Variants in COL27A1 observed in about 807,000 individuals in gnomAD.
COL27A1 encodes collagen alpha-1(XXVII) chain.
COL27A1 carries 106 observed loss-of-function variants against 251.3 expected under a neutral mutation model. The observed-to-expected ratio is 0.42, with a 90% CI of 0.36 to 0.50. COL27A1 has a LOEUF of 0.50. Among genes scored for constraint, COL27A1 ranks in the 20% least tolerant of loss-of-function variants. The pLI, the probability that COL27A1 is intolerant of heterozygous loss-of-function variation, is 0.00. For missense variants in COL27A1, 2,325 were observed against 2,522.8 expected (o/e 0.92, Z 1.68); for synonymous variants, 1,000 against 986.3 (o/e 1.01, Z -0.26).
At chr9:114,261,951 GA>G in intron 28 of COL27A1, among the ~76,000 whole-genome samples, 1 of 152,310 alleles carries the variant, frequency 6.6e-6, no homozygotes, top group Non-Finnish European at 1.5e-5. Flanking sequence ...CTTTCTCCCA[GA>G]AAGCCTTTGA....
chr9:114,158,984 G>C (rs1416109809), intron 1 of COL27A1, among the ~76,000 whole-genome samples: 4 of 152,230 alleles, frequency 2.6e-5, no homozygotes, highest in Non-Finnish European at 5.9e-5. Flanking sequence ...AAGGGAGAGA[G>C]AGGACTAGAA....
intron 45 of COL27A1, 84 bp downstream of exon 45, chr9:114,289,379 A>C (rs72764529): frequency 5.3e-6 from 7 of 1,321,916 alleles, no homozygotes; most frequent in Non-Finnish European, 7.2e-6. Flanking sequence ...AACCAAACGC[A>C]GGCTGCAGAG....
intron 28 of COL27A1, among the ~76,000 whole-genome samples, chr9:114,261,360 A>T (rs1432007128): frequency 6.6e-6 from 1 of 152,176 alleles, no homozygotes; most frequent in Non-Finnish European, 1.5e-5. Flanking sequence ...GCTTCCCTCC[A>T]GCAGGCGGGG....
chr9:114,298,737 A>G (rs1828415012), intron 49 of COL27A1, among the ~76,000 whole-genome samples: 1 of 152,248 alleles, frequency 6.6e-6, no homozygotes, highest in Non-Finnish European at 1.5e-5. Context: ...TGTGTTAGGT[A>G]ATAGTTTCTT....
intron 11 of COL27A1, 52 bp downstream of exon 11, chr9:114,209,780 A>G: frequency 6.4e-7 from 1 of 1,566,770 alleles, no homozygotes; most frequent in Non-Finnish European, 8.8e-7. Flanking sequence ...CTGCCCAAAC[A>G]GAGCAGAACC....
chr9:114,194,916 C>T (rs1829006787), intron 6 of COL27A1, among the ~76,000 whole-genome samples: 1 of 152,176 alleles, frequency 6.6e-6, no homozygotes, highest in African/African-American at 2.4e-5. Context: ...TTCAGGGCTC[C>T]CTAACTCTGA....
At chr9:114,194,261 G>GA in intron 5 of COL27A1, 143 bp from the exon 6 acceptor site, 1 of 792,674 alleles carries the variant, frequency 1.3e-6, no homozygotes, top group Non-Finnish European at 2.2e-6. Context: ...TAGAATTGGA[G>GA]AAGACCCTCT....
chr9:114,247,656 G>A (rs550417198), intron 24 of COL27A1, among the ~76,000 whole-genome samples: 34 of 152,338 alleles, frequency 2.2e-4, no homozygotes, highest in Non-Finnish European at 4.6e-4. Flanking sequence ...TGCTGCCCAG[G>A]CAGCTTGGAC....
chr9:114,269,834 A>G (rs1835014140), intron 35 of COL27A1, among the ~76,000 whole-genome samples: 1 of 152,094 alleles, frequency 6.6e-6, no homozygotes, highest in South Asian at 2.1e-4. Context: ...AGGAGCATGG[A>G]CCACCCAACT....
chr9:114,202,160 A>C (rs934670128), intron 7 of COL27A1, among the ~76,000 whole-genome samples: 2 of 152,196 alleles, frequency 1.3e-5, no homozygotes, highest in Admixed American at 6.5e-5. Context: ...ATCCTGAGTA[A>C]AAGGGTTTAC....
chr9:114,253,131 G>A (rs115981890), intron 27 of COL27A1, among the ~76,000 whole-genome samples, 199 bp downstream of exon 27: 1,875 of 152,264 alleles, frequency 0.012, 37 homozygotes, highest in African/African-American at 0.042. Context: ...GTGGTGACAC[G>A]CACTTGTAAT....
intron 15 of COL27A1, 22 bp downstream of exon 15, chr9:114,231,154 G>T: frequency 6.2e-7 from 1 of 1,612,214 alleles, no homozygotes; most frequent in Non-Finnish European, 8.5e-7. Context: ...ATGTTCCCCC[G>T]ATTCAGGCCT....
intron 10 of COL27A1, chr9:114,209,356 C>T (rs996285309): frequency 3.2e-6 from 2 of 632,092 alleles, no homozygotes; most frequent in African/African-American, 1.8e-5. Flanking sequence ...TAGCATCTAA[C>T]CCAGCCGCGA....
Position 114,168,190 on chromosome 9 carries a change from C to T in COL27A1, c.635C>T (p.Ala212Val). Residue 212 changes from alanine to valine, a missense_variant, in exon 3 of 61, where the codon GCT (alanine) becomes GTT (valine). Physicochemically the swap from Ala to Val is moderately conservative, Grantham distance 64. Around this residue, in one of 4 missense-constraint regions of COL27A1, gnomAD observed 1,183 missense variants for 1,144.1 expected, o/e 1.03. Transcript: ENST00000356083. ...MNPHAVQFEG[A>V]LCQFSIYPVT... Reference sequence around the variant, plus strand: ...CCGCATGCAGTCCAGTTTGAAGGTGCTCTCTGCCAGTTCAGTATCTACCCT... The same window carrying T: ...CCGCATGCAGTCCAGTTTGAAGGTGTTCTCTGCCAGTTCAGTATCTACCCT... 1 of 1,613,898 alleles carries T rather than the reference C, an allele frequency of 6.2e-7. No homozygotes were observed. The highest frequency in any genetic ancestry group is 1.1e-5 in the South Asian group (1 of 91,086).
chr9:114,258,634 A>C, intron 28 of COL27A1, 40 bp downstream of exon 28: 1 of 1,602,604 alleles, frequency 6.2e-7, no homozygotes. Context: ...TGCTGGTGGG[A>C]GGGGGCACAC....
At chr9:114,284,320 C>A (rs149480300) in intron 40 of COL27A1, among the ~76,000 whole-genome samples, 1 of 152,176 alleles carries the variant, frequency 6.6e-6, no homozygotes, top group Admixed American at 6.5e-5. Flanking sequence ...GGAAAAGAGG[C>A]GAGACAAGAC....
intron 25 of COL27A1, among the ~76,000 whole-genome samples, chr9:114,250,998 G>A (rs1833504123): frequency 6.6e-6 from 1 of 152,188 alleles, no homozygotes; most frequent in Non-Finnish European, 1.5e-5. Context: ...TTTACAAAGA[G>A]GAAAGATGAG....
At chr9:114,260,113 G>A (rs1485604729) in intron 28 of COL27A1, among the ~76,000 whole-genome samples, 3 of 152,146 alleles carry the variant, frequency 2.0e-5, no homozygotes, top group Non-Finnish European at 2.9e-5. Flanking sequence ...AGCTGCATGG[G>A]CCCAGGCCCC....
chr9:114,287,972 G>T (rs1185510865), intron 41 of COL27A1, among the ~76,000 whole-genome samples: 4 of 152,146 alleles, frequency 2.6e-5, no homozygotes, highest in Admixed American at 2.6e-4. Flanking sequence ...GTGCCCATGC[G>T]TGCCAGCTGC....
Sources: gnomAD v4.1 joint callset for allele counts (sites outside exome capture counted in the v4.1 genomes callset) on GRCh38, gnomAD v4.1.1 for gene constraint, gnomAD v4.1.1 regional missense constraint, MANE v1.5 for transcripts, NCBI Gene and HGNC (gene_info 2026-07-23, HGNC 2026-07-21) for gene names.